The following YEATS2 variants were observed in gnomAD, a reference collection of about 807,000 sequenced individuals.
YEATS2 encodes the protein YEATS domain-containing protein 2.
YEATS2 carries 77 observed loss-of-function variants against 163.2 expected under a neutral mutation model. The observed-to-expected ratio is 0.47, with a 90% CI of 0.39 to 0.57. The LOEUF is 0.57. Ranked by LOEUF, YEATS2 falls within the 20% of genes least tolerant of loss-of-function variation. The pLI, the probability that YEATS2 is intolerant of heterozygous loss-of-function variation, is 0.00. For missense variants in YEATS2, 1,549 were observed against 1,729.8 expected, an observed-to-expected ratio of 0.90 and a Z score of 1.85; for synonymous variants, 631 against 645.1, an observed-to-expected ratio of 0.98 and a Z score of 0.33.
At chr3:183,718,643 T>C in intron 4 of YEATS2, 51 bp downstream of exon 4, 1 of 1,382,896 alleles carries the variant, frequency 7.2e-7, no homozygotes, top group Non-Finnish European at 1.0e-6. Flanking sequence ...ATTTGTTGTC[T>C]GAGGGGAAGT....
At chr3:183,808,787 C>T (rs1271184594) in intron 29 of YEATS2, 4 of 208,188 alleles carry the variant, frequency 1.9e-5, no homozygotes, top group Non-Finnish European at 1.9e-5. Context: ...ACCCGGGAGG[C>T]GGAGGTTGCA....
At chr3:183,708,549 G>T in intron 1 of YEATS2, among the ~76,000 whole-genome samples, 1 of 152,048 alleles carries the variant, frequency 6.6e-6, no homozygotes, top group Non-Finnish European at 1.5e-5. Flanking sequence ...TTTCTCTTGG[G>T]TTTTATTTTA....
intron 27 of YEATS2, among the ~76,000 whole-genome samples, chr3:183,805,830 T>G (rs1337607238): frequency 6.6e-6 from 1 of 151,974 alleles, no homozygotes. Flanking sequence ...CCATTAAGCT[T>G]CTTGAGAGCC....
rs764528128 is a variant in YEATS2, at chr3:183,752,156, C to T, written c.1053C>T (p.Ala351=). The part of the protein sequence containing the change: ...PQSSESDISD[A]PPSLPLTIPA... ...CCTCGGAGTCTGACATCTCTGATGC[C>T]CCTCCATCTTTGCCTTTGACCATTC... Residue 351 remains alanine, a synonymous_variant, in exon 10 of 31, where the codon GCC becomes GCT. Coordinates refer to ENST00000305135, the MANE Select transcript of YEATS2 (RefSeq NM_018023.5). 3.7e-6 allele frequency: 6 copies of T among 1,614,058 alleles called. No homozygotes were observed. The South Asian group carries it at 5.5e-5, about 15-fold the overall frequency.
chr3:183,754,087 G>T (rs139003135), intron 10 of YEATS2, 39 bp from the exon 11 acceptor site: 1 of 1,500,848 alleles, frequency 6.7e-7, no homozygotes, highest in Non-Finnish European at 8.9e-7. Flanking sequence ...ATTTCAAAGC[G>T]ATTGATGACT....
At chr3:183,743,997 C>A (rs1014204766) in intron 8 of YEATS2, among the ~76,000 whole-genome samples, 1 of 151,820 alleles carries the variant, frequency 6.6e-6, no homozygotes, top group Non-Finnish European at 1.5e-5. Context: ...ACTAGGTTGC[C>A]TTATGACCTC....
chr3:183,755,241 C>T (rs1359387646), intron 11 of YEATS2, among the ~76,000 whole-genome samples: 1 of 152,022 alleles, frequency 6.6e-6, no homozygotes, highest in African/African-American at 2.4e-5. Flanking sequence ...GCTCAGCCTC[C>T]CAAGTAGCTG....
At chr3:183,803,495 T>C in intron 26 of YEATS2, 160 bp downstream of exon 26, 1 of 710,298 alleles carries the variant, frequency 1.4e-6, no homozygotes. Flanking sequence ...CAGCTGACTT[T>C]CAGGCGTGCC....
intron 21 of YEATS2, among the ~76,000 whole-genome samples, chr3:183,793,790 T>G (rs1387284189): frequency 6.6e-6 from 1 of 151,994 alleles, no homozygotes; most frequent in Admixed American, 6.6e-5. Context: ...TTCTTGTATT[T>G]TTAGTAGAGA....
At chr3:183,760,313 ATTTT>A (rs11417378) in intron 13 of YEATS2, among the ~76,000 whole-genome samples, 4 of 110,312 alleles carry the variant, frequency 3.6e-5, no homozygotes, top group Non-Finnish European at 1.8e-5. Context: ...AAACTACAGA[ATTTT>A]TTTTTTTTTT....
At chr3:183,760,980 CAGATGAGT>C (rs1244391390) in intron 13 of YEATS2, among the ~76,000 whole-genome samples, 13 of 152,190 alleles carry the variant, frequency 8.5e-5, no homozygotes, top group African/African-American at 3.1e-4. Flanking sequence ...CAGCAGGACA[CAGATGAGT>C]AGATTCTTGC....
At chr3:183,798,867 C>T (rs776722182) in intron 22 of YEATS2, 24 bp from the exon 23 acceptor site, 4 of 1,547,254 alleles carry the variant, frequency 2.6e-6, no homozygotes, top group Non-Finnish European at 3.6e-6. Context: ...TTTGTTATAT[C>T]CCTCCCTCCT....
intron 6 of YEATS2, among the ~76,000 whole-genome samples, chr3:183,727,918 T>A (rs1717286468): frequency 6.6e-6 from 1 of 150,716 alleles, no homozygotes; most frequent in Non-Finnish European, 1.5e-5. Context: ...ATTTCCACCT[T>A]ATGTCTTTAT....
At chr3:183,777,141 G>A (rs1015898658) in intron 18 of YEATS2, among the ~76,000 whole-genome samples, 3 of 152,212 alleles carry the variant, frequency 2.0e-5, no homozygotes, top group African/African-American at 7.2e-5. Context: ...AGTTAAGTTA[G>A]ATTTGATTAG....
intron 6 of YEATS2, among the ~76,000 whole-genome samples, chr3:183,725,930 G>A (rs2109085519): frequency 6.6e-6 from 1 of 152,204 alleles, no homozygotes; most frequent in East Asian, 1.9e-4. Flanking sequence ...GTCTTTTTCT[G>A]GGACTCTAAG....
rs376849936 is a variant in YEATS2, at chr3:183,722,035, C to T, written c.436C>T (p.His146Tyr). ...NHSESDSLSQ[H>Y]NDFLSDKDNN... ...TTCAGAAAGTGATTCTTTATCTCAG[C>T]ACAATGACTTCTTATCTGACAAAGA... Residue 146 changes from histidine to tyrosine, a missense_variant, in exon 5 of 31, where the codon CAC (histidine) becomes TAC (tyrosine). His to Tyr is a moderately conservative substitution (Grantham distance 83). Coordinates refer to ENST00000305135, the MANE Select transcript of YEATS2 (RefSeq NM_018023.5). 1 of 1,613,926 alleles carries T rather than the reference C, an allele frequency of 6.2e-7. No homozygotes were observed. The highest frequency in any genetic ancestry group is 1.3e-5 in the African/African-American group (1 of 74,858).
At position 183,715,027 on chromosome 3, in the gene YEATS2, A is replaced by G. The variant is rs1452792193; in HGVS notation, c.-19-117A>G. On this transcript the variant is annotated intron_variant, in intron 1 of 30. Coordinates refer to ENST00000305135, the MANE Select transcript of YEATS2 (RefSeq NM_018023.5). Reference sequence around the variant, plus strand: ...TTGCAAGTACCAGTATTAATGTAATATTTATTTATTTATTTTGTTTGTACA... The same window carrying G: ...TTGCAAGTACCAGTATTAATGTAATGTTTATTTATTTATTTTGTTTGTACA... The G allele has an allele frequency of 7.1e-6, 4 of 559,974 alleles. No individual in the cohort carries two copies. In the East Asian group the frequency reaches 9.0e-5, roughly 13 times the overall value. 34.7% of individuals were successfully genotyped at this position (559,974 alleles called of 1,614,324 possible).
At chr3:183,779,145 G>A (rs1168564336) in intron 19 of YEATS2, among the ~76,000 whole-genome samples, 2 of 151,850 alleles carry the variant, frequency 1.3e-5, no homozygotes, top group African/African-American at 2.4e-5. Context: ...TCCTGACCTC[G>A]TGGTCTGCCC....
Position 183,786,178 on chromosome 3 carries a change from G to T in YEATS2, c.2790G>T (p.Lys930Asn). The change falls in exon 20 of 31, where the codon AAG becomes AAT. Residue 930 changes from lysine to asparagine, a missense_variant. By Grantham distance (94) the Lys-to-Asn change is moderately conservative. Transcript: ENST00000305135. ...SLMKISDSTL[K>N]TVPATSQLSK... ...TGAAAATATCCGATAGCACCTTGAA[G>T]ACTGTGCCAGCCACCTCACAGCTCT... 1 of 1,614,168 alleles carries T rather than the reference G, an allele frequency of 6.2e-7. No homozygotes were observed. The highest frequency in any genetic ancestry group is 1.1e-5 in the South Asian group (1 of 91,080).
Sources: allele counts gnomAD v4.1 joint callset (sites outside exome capture counted in the v4.1 genomes callset), GRCh38; gene constraint gnomAD v4.1.1; transcripts MANE v1.5; gene names NCBI Gene and HGNC (gene_info 2026-07-23, HGNC 2026-07-21).